The following RAD54L2 variants were observed in gnomAD, a reference collection of about 807,000 sequenced individuals.
RAD54L2 encodes RAD54 like 2.
In RAD54L2, 27 loss-of-function variants were observed where a neutral mutation model predicts 138.4. That is an observed-to-expected ratio of 0.20 (90% CI 0.14 to 0.27). The LOEUF (loss-of-function observed/expected upper bound fraction) is 0.27, where lower values mean the gene tolerates loss of function less well. Ranked by LOEUF, RAD54L2 falls within the 10% of genes least tolerant of loss-of-function variation. The pLI is 1.00. For missense variants in RAD54L2, 1,396 were observed against 1,890.2 expected, an observed-to-expected ratio of 0.74 and a Z score of 4.85; for synonymous variants, 644 against 723.2, an observed-to-expected ratio of 0.89 and a Z score of 1.76.
chr3:51,644,697 A>C (rs146763487), intron 16 of RAD54L2, among the ~76,000 whole-genome samples: 139 of 152,266 alleles, frequency 9.1e-4, no homozygotes, highest in African/African-American at 3.1e-3. Flanking sequence ...AAGCTGTTAG[A>C]CTAAAAATAG....
At chr3:51,650,493 G>A (rs572216813) in intron 19 of RAD54L2, among the ~76,000 whole-genome samples, 1 of 152,158 alleles carries the variant, frequency 6.6e-6, no homozygotes, top group Non-Finnish European at 1.5e-5. Context: ...ATTCTTCTCA[G>A]CACCACATTG....
At chr3:51,550,792 A>G (rs1698815614) in intron 2 of RAD54L2, among the ~76,000 whole-genome samples, 2 of 152,176 alleles carry the variant, frequency 1.3e-5, no homozygotes, top group Admixed American at 6.5e-5. Flanking sequence ...ATGTAATCCC[A>G]GCATTTTGGT....
At chr3:51,598,153 G>A (rs1700010128) in intron 3 of RAD54L2, among the ~76,000 whole-genome samples, 2 of 137,932 alleles carry the variant, frequency 1.4e-5, no homozygotes, top group East Asian at 4.1e-4. Context: ...ATATATATGT[G>A]TGTGTGTGTG....
chr3:51,567,296 C>A (rs557713872), intron 2 of RAD54L2, among the ~76,000 whole-genome samples: 1 of 152,152 alleles, frequency 6.6e-6, no homozygotes, highest in Non-Finnish European at 1.5e-5. Context: ...CTACATGTTT[C>A]GCAGTGGGAT....
At chr3:51,639,340 GTA>G in intron 12 of RAD54L2, 77 bp from the exon 13 acceptor site, 1 of 1,514,700 alleles carries the variant, frequency 6.6e-7, no homozygotes, top group Admixed American at 1.9e-5. Flanking sequence ...GTTTGAGCAA[GTA>G]TGTGTTTCCA....
Position 51,662,506 on chromosome 3 carries a change from C to A in RAD54L2, c.3490C>A (p.Leu1164Met). The change falls in exon 23 of 23, where the codon CTG becomes ATG. Residue 1164 changes from leucine (L) to methionine (M), a missense_variant. Physicochemically the swap from Leu to Met is conservative, Grantham distance 15. Around this residue, in one of 7 missense-constraint regions of RAD54L2, gnomAD observed 634 missense variants for 711.2 expected, o/e 0.89. Transcript: ENST00000684192. This position sits in a 1 kb window ranked among gnomAD's most constrained non-coding sequence, Gnocchi z 4.6. ...ACCCAAAGCCCCCGACCCTGAGGGGCTGGCCAGGCCCGTCTCTCCTGACAG... is the reference window on the plus strand; with the variant it reads ...ACCCAAAGCCCCCGACCCTGAGGGGATGGCCAGGCCCGTCTCTCCTGACAG... Reference protein sequence around the residue: ...SSPKAPDPEGLARPVSPDSPE... With the variant: ...SSPKAPDPEGMARPVSPDSPE... 6.2e-7 allele frequency: 1 copy of A among 1,610,542 alleles called. No homozygotes were observed. Among genetic ancestry groups the A allele is most frequent in the Non-Finnish European group, 8.5e-7 (1 of 1,177,956 alleles).
chr3:51,637,018 C>T lies in RAD54L2; in HGVS notation c.1340-143C>T. On this transcript the variant is annotated intron_variant, in intron 10 of 22. Transcript: ENST00000684192. This position sits in a 1 kb window ranked among gnomAD's most constrained non-coding sequence, Gnocchi z 5.9. ...TATCCAGGAGCTTGAATGGCTGGCACCCTCTCACCAAGGGGGGCTGACTCT... is the reference window on the plus strand; with the variant it reads ...TATCCAGGAGCTTGAATGGCTGGCATCCTCTCACCAAGGGGGGCTGACTCT... 1.4e-6 allele frequency: 1 copy of T among 695,308 alleles called. No individual in the cohort carries two copies. The highest frequency in any genetic ancestry group is 2.7e-5 in the East Asian group (1 of 36,742). The allele number at this position is 695,308 out of a possible 1,614,324, so 43.1% of individuals were successfully genotyped here. A position where few individuals can be genotyped will look rare whatever the true frequency, so the allele number is the denominator to read the frequency against.
chr3:51,568,758 G>A (rs1436019485), intron 2 of RAD54L2, among the ~76,000 whole-genome samples: 1 of 152,184 alleles, frequency 6.6e-6, no homozygotes, highest in East Asian at 1.9e-4. Context: ...AGGGCAGGAT[G>A]TGTAATTAGG....
chr3:51,657,738 T>C lies in RAD54L2; in HGVS notation c.3316+69T>C, dbSNP rs1701641102. 1.3e-5 allele frequency: 14 copies of C among 1,088,586 alleles called. No individual in the cohort carries two copies. The South Asian group carries it at 1.9e-4, about 15-fold the overall frequency. The allele number at this position is 1,088,586 out of a possible 1,614,324, so 67.4% of individuals were successfully genotyped here. ...GTGCTGGGCTGGGAAGAAGAATAAA[T>C]ACATATGACTTGAGCTAGACGGGTC... On this transcript the variant is annotated intron_variant, in intron 21 of 22. Coordinates refer to ENST00000684192, the MANE Select transcript of RAD54L2 (RefSeq NM_015106.4).
At chr3:51,640,060 A>G (rs1262272328) in intron 14 of RAD54L2, 61 bp downstream of exon 14, 3 of 1,309,126 alleles carry the variant, frequency 2.3e-6, no homozygotes, top group Non-Finnish European at 3.2e-6. Flanking sequence ...CAAAACCACC[A>G]CAGAGCAAGA....
intron 3 of RAD54L2, among the ~76,000 whole-genome samples, chr3:51,600,501 A>G (rs1197953032): frequency 1.3e-5 from 2 of 152,044 alleles, no homozygotes; most frequent in African/African-American, 4.8e-5. Flanking sequence ...AGTCCAAGCT[A>G]CTCAGGAGGC....
At chr3:51,640,325 A>C (rs1701099953) in intron 14 of RAD54L2, among the ~76,000 whole-genome samples, 1 of 152,274 alleles carries the variant, frequency 6.6e-6, no homozygotes, top group South Asian at 2.1e-4. Context: ...TATGTGGCCA[A>C]GAAAGCCTAA....
At chr3:51,627,454 A>G (rs1470581087) in intron 3 of RAD54L2, 99 bp from the exon 4 acceptor site, 15 of 1,151,760 alleles carry the variant, frequency 1.3e-5, no homozygotes, top group Non-Finnish European at 1.9e-5. Flanking sequence ...TTACCAGCTA[A>G]TAAGTTGCTG....
intron 9 of RAD54L2, 29 bp downstream of exon 9, chr3:51,634,064 C>G: frequency 6.2e-7 from 1 of 1,605,818 alleles, no homozygotes; most frequent in South Asian, 1.1e-5. Context: ...CCTCTCTGCC[C>G]CTTTCCTTTT....
intron 2 of RAD54L2, among the ~76,000 whole-genome samples, chr3:51,583,606 T>A (rs993930111): frequency 1.3e-5 from 2 of 149,068 alleles, no homozygotes; most frequent in Non-Finnish European, 3.0e-5. Context: ...TTTTTTTTTT[T>A]AGTAGAGACG....
intron 16 of RAD54L2, 83 bp from the exon 17 acceptor site, chr3:51,644,941 G>C (rs1031196783): frequency 7.3e-7 from 1 of 1,363,368 alleles, no homozygotes; most frequent in African/African-American, 1.4e-5. Flanking sequence ...GTAATATTGG[G>C]GTAGAAGTCA....
intron 4 of RAD54L2, among the ~76,000 whole-genome samples, chr3:51,629,059 A>T (rs1044084971): frequency 3.3e-5 from 5 of 152,176 alleles, no homozygotes; most frequent in Non-Finnish European, 7.3e-5. Context: ...TGTGAATCAA[A>T]TATTACTCTA....
Sources: gnomAD v4.1 joint callset for allele counts (sites outside exome capture counted in the v4.1 genomes callset) on GRCh38, gnomAD v4.1.1 for gene constraint, gnomAD v4.1.1 regional missense constraint, Gnocchi (gnomAD v3.1) non-coding constraint, MANE v1.5 for transcripts, NCBI Gene and HGNC (gene_info 2026-07-23, HGNC 2026-07-21) for gene names.